The following DPH6 variants were observed in gnomAD, a reference collection of about 807,000 sequenced individuals.
DPH6 encodes diphthamine biosynthesis 6.
DPH6 carries 33 observed loss-of-function variants against 38.2 expected under a neutral mutation model. The observed-to-expected ratio is 0.86, with a 90% CI of 0.65 to 1.15. The LOEUF (loss-of-function observed/expected upper bound fraction) is 1.15, where lower values mean the gene tolerates loss of function less well. Among genes scored for constraint, DPH6 ranks in the 50% most tolerant of loss-of-function variants. DPH6 has a pLI of 0.00. For missense variants in DPH6, 325 were observed against 320.0 expected, an observed-to-expected ratio of 1.02 and a Z score of -0.12; for synonymous variants, 108 against 103.0, an observed-to-expected ratio of 1.05 and a Z score of -0.30.
chr15:35,295,558 A>T (rs1201540856), intron 3 of DPH6, among the ~76,000 whole-genome samples: 1 of 152,184 alleles, frequency 6.6e-6, no homozygotes, highest in Admixed American at 6.5e-5. Context: ...TACTCCTGTC[A>T]TCATCCTTGA....
intron 3 of DPH6, among the ~76,000 whole-genome samples, chr15:35,537,594 C>A (rs1480012239): frequency 1.3e-5 from 2 of 152,076 alleles, no homozygotes; most frequent in African/African-American, 4.8e-5. Flanking sequence ...TTAATCAGTG[C>A]AAAATGGCTG....
At position 35,515,931 on chromosome 15, in the gene DPH6, T is replaced by C. The variant is rs59273825; in HGVS notation, c.312+22343A>G. Among the ~76,000 whole-genome samples the C allele has an allele frequency of 3.1e-3, 475 of 152,144 alleles. 3 individuals carry two copies. The East Asian group carries it at 0.035, about 11-fold the overall frequency. On this transcript the variant is annotated intron_variant, in intron 3 of 8. Coordinates refer to ENST00000256538, the MANE Select transcript of DPH6 (RefSeq NM_080650.4). ...AACTTTTTAAATTCTTGGTGATACG[T>C]CCGTTTTGTGCCCACAAAACTTTCC...
chr15:35,377,366 T>C (rs1402467971), intron 7 of DPH6, among the ~76,000 whole-genome samples: 1 of 152,182 alleles, frequency 6.6e-6, no homozygotes, highest in African/African-American at 2.4e-5. Flanking sequence ...ATCCATCCCA[T>C]ATGTGGCAAC....
At chr15:35,444,803 A>G (rs1032024412) in intron 5 of DPH6, among the ~76,000 whole-genome samples, 4 of 152,032 alleles carry the variant, frequency 2.6e-5, no homozygotes, top group Non-Finnish European at 5.9e-5. Context: ...CTCTATTTGG[A>G]TTAGCAAATC....
chr15:35,238,057 T>G (rs2051568606), intron 3 of DPH6: 22 of 1,559,558 alleles, frequency 1.4e-5, no homozygotes, highest in Non-Finnish European at 1.9e-5. Context: ...GAGAAGATGA[T>G]GACTAAGTGG....
At chr15:35,431,606 T>G (rs2053632991) in intron 5 of DPH6, among the ~76,000 whole-genome samples, 1 of 152,056 alleles carries the variant, frequency 6.6e-6, no homozygotes, top group South Asian at 2.1e-4. Context: ...GGAACAACAA[T>G]TTTGTTACAA....
chr15:35,371,698 C>T lies in DPH6; in HGVS notation c.*452G>A, dbSNP rs1456761524. 7 of 985,552 alleles carry T rather than the reference C, an allele frequency of 7.1e-6. No homozygotes were observed. Among genetic ancestry groups the T allele is most frequent in the African/African-American group, 1.7e-5 (1 of 57,158 alleles). The allele number at this position is 985,552 out of a possible 1,614,324, so 61.1% of individuals were successfully genotyped here. ...TATATTTAAAATAAAAATGATAAAT[C>T]GCTTTGGCGACACCCAGTAGAATAA... On this transcript the variant is annotated 3_prime_UTR_variant, in exon 9 of 9. Coordinates refer to ENST00000256538, the MANE Select transcript of DPH6 (RefSeq NM_080650.4).
intron 3 of DPH6, among the ~76,000 whole-genome samples, chr15:35,525,442 C>T (rs1250033301): frequency 6.6e-6 from 1 of 152,162 alleles, no homozygotes; most frequent in Non-Finnish European, 1.5e-5. Context: ...CCTCATGTGA[C>T]TCTTCACTCT....
intron 3 of DPH6, among the ~76,000 whole-genome samples, chr15:35,259,144 CAAAAA>C (rs3028681): frequency 4.5e-5 from 6 of 133,852 alleles, no homozygotes; most frequent in Admixed American, 7.6e-5. Context: ...GACTCCGTCT[CAAAAA>C]AAAAAAAAAA....
chr15:35,274,333 T>C (rs1335150157), intron 3 of DPH6, among the ~76,000 whole-genome samples: 2 of 152,080 alleles, frequency 1.3e-5, no homozygotes, highest in East Asian at 1.9e-4. Context: ...ATTCAGGACA[T>C]AGGCACGGGC....
rs1255577466 is a variant in DPH6 at position 35,267,141 on chromosome 15, T to TA, written n.201-46560dup. Among the ~76,000 whole-genome samples the TA allele has an allele frequency of 4.6e-5, 7 of 151,582 alleles. No individual in the cohort carries two copies. The East Asian group carries it at 5.8e-4, about 13-fold the overall frequency. On this transcript the variant is annotated intron_variant and non_coding_transcript_variant, in intron 3 of 3. Coordinates refer to the DPH6 transcript ENST00000560386. ...TGTGCATGGACAGTATAAAGTGCAG[T>TA]AAAAAAAACAAAACTGAGAGCAATG... is the stretch of plus-strand genomic sequence containing the variant.
chr15:35,356,767 A>T (rs1177344125), intron 3 of DPH6, among the ~76,000 whole-genome samples: 2 of 152,212 alleles, frequency 1.3e-5, no homozygotes, highest in African/African-American at 4.8e-5. Context: ...CCATTCTCAG[A>T]TCTCAAGCTG....
intron 3 of DPH6, among the ~76,000 whole-genome samples, chr15:35,225,471 A>G (rs942039399): frequency 6.6e-6 from 1 of 152,184 alleles, no homozygotes; most frequent in South Asian, 2.1e-4. Flanking sequence ...TGGTTTTTAT[A>G]CTTTAAATTT....
At chr15:35,309,191 C>G (rs142771560) in intron 3 of DPH6, among the ~76,000 whole-genome samples, 2 of 152,174 alleles carry the variant, frequency 1.3e-5, no homozygotes, top group Non-Finnish European at 2.9e-5. Flanking sequence ...TCATTCCATT[C>G]TAGCAGCTAG....
chr15:35,247,061 A>G (rs1291397173), intron 3 of DPH6, among the ~76,000 whole-genome samples: 2 of 152,226 alleles, frequency 1.3e-5, no homozygotes, highest in African/African-American at 2.4e-5. Context: ...ATTTGCCTCA[A>G]TTAAGGAATA....
At chr15:35,423,609 T>A (rs1004880255) in intron 5 of DPH6, among the ~76,000 whole-genome samples, 3 of 148,882 alleles carry the variant, frequency 2.0e-5, no homozygotes, top group Non-Finnish European at 4.5e-5. Flanking sequence ...TAAAAAAAAA[T>A]CATTGTCCAG....
At chr15:35,455,924 A>T (rs2053990395) in intron 3 of DPH6, among the ~76,000 whole-genome samples, 1 of 152,220 alleles carries the variant, frequency 6.6e-6, no homozygotes, top group African/African-American at 2.4e-5. Context: ...TTCAAGTCAT[A>T]CTGAAATAAC....
chr15:35,340,984 T>C (rs2052416881), intron 3 of DPH6, among the ~76,000 whole-genome samples: 3 of 152,206 alleles, frequency 2.0e-5, no homozygotes. Context: ...TCCACCTTGG[T>C]TCCATTCTCC....
Position 35,371,894 on chromosome 15 carries a change from A to T in DPH6, c.*256T>A. The T allele has an allele frequency of 8.8e-7, 1 of 1,140,820 alleles. No homozygotes were observed. Among genetic ancestry groups the T allele is most frequent in the Non-Finnish European group, 1.1e-6 (1 of 924,828 alleles). 70.7% of individuals were successfully genotyped at this position (1,140,820 alleles called of 1,614,324 possible). ...GGGGTTTATAGATGAAATAAAAGAA[A>T]AAAAAGGTCATAGGGAAGATGTGTT... On this transcript the variant is annotated 3_prime_UTR_variant, in exon 9 of 9. Transcript: ENST00000256538.
Sources: gnomAD v4.1 joint callset for allele counts (sites outside exome capture counted in the v4.1 genomes callset) on GRCh38, gnomAD v4.1.1 for gene constraint, MANE v1.5 for transcripts, NCBI Gene and HGNC (gene_info 2026-07-23, HGNC 2026-07-21) for gene names.